Variants in ENTREP1 observed in about 807,000 individuals in gnomAD.
ENTREP1 encodes the protein endosomal transmembrane epsin interactor 1, also known as Friedreich ataxia region gene X123.
chr9:69,373,394 G>A, the ENTREP1 span, among the ~76,000 whole-genome samples: 1 of 152,070 alleles, frequency 6.6e-6, no homozygotes, highest in African/African-American at 2.4e-5. Flanking sequence ...CTTAGTAACA[G>A]GCTGGGGAAT....
the ENTREP1 span, among the ~76,000 whole-genome samples, chr9:69,360,756 C>T: frequency 6.6e-6 from 1 of 152,152 alleles, no homozygotes; most frequent in African/African-American, 2.4e-5. Flanking sequence ...CTTAACCTCT[C>T]TTGAGATGGA....
At chr9:69,387,182 A>C in the ENTREP1 span, 1 of 151,542 alleles carries the variant, frequency 6.6e-6, no homozygotes, top group Non-Finnish European at 1.5e-5. Context: ...CTTCTGGAAG[A>C]CTCTTGCTGT....
chr9:69,327,089 C>T, the ENTREP1 span, among the ~76,000 whole-genome samples: 1 of 151,780 alleles, frequency 6.6e-6, no homozygotes, highest in Admixed American at 6.6e-5. Context: ...ACGTTAGGTT[C>T]CTTGAGACTC....
chr9:69,364,073 TAATGA>T, the ENTREP1 span, among the ~76,000 whole-genome samples: 1 of 152,218 alleles, frequency 6.6e-6, no homozygotes, highest in Admixed American at 6.5e-5. Flanking sequence ...GTACCAAACC[TAATGA>T]AATGTGTTTT....
chr9:69,334,062 C>G, the ENTREP1 span, among the ~76,000 whole-genome samples: 2 of 152,192 alleles, frequency 1.3e-5, no homozygotes, highest in African/African-American at 4.8e-5. Flanking sequence ...GAGGACCAGA[C>G]AAGTGAAATG....
the ENTREP1 span, among the ~76,000 whole-genome samples, chr9:69,335,889 C>T: frequency 2.8e-5 from 1 of 35,512 alleles, no homozygotes; most frequent in Middle Eastern, 0.013. Context: ...GAGGCAGAGG[C>T]GGGAGGATCA....
the ENTREP1 span, among the ~76,000 whole-genome samples, chr9:69,356,040 C>T: frequency 1.3e-5 from 2 of 152,154 alleles, no homozygotes; most frequent in East Asian, 1.9e-4. Flanking sequence ...TGGCATTAAG[C>T]GTGTTCACAG....
At chr9:69,340,722 C>T in the ENTREP1 span, among the ~76,000 whole-genome samples, 5 of 22,940 alleles carry the variant, frequency 2.2e-4, no homozygotes, top group African/African-American at 5.4e-4. Context: ...TGTGTGCATG[C>T]ATGTGTGTGT....
the ENTREP1 span, chr9:69,377,766 G>A: frequency 2.5e-6 from 4 of 1,599,416 alleles, no homozygotes; most frequent in South Asian, 3.4e-5. Context: ...GAGTTCCCCT[G>A]CAGTCTGAGT....
At chr9:69,371,590 G>A in the ENTREP1 span, 1 of 1,613,008 alleles carries the variant, frequency 6.2e-7, no homozygotes, top group Non-Finnish European at 8.5e-7. Flanking sequence ...TTTGTGTCCA[G>A]CGTGCCCAGG....
the ENTREP1 span, among the ~76,000 whole-genome samples, chr9:69,342,248 A>ATG: frequency 1.3e-5 from 2 of 152,100 alleles, no homozygotes; most frequent in Non-Finnish European, 2.9e-5. Flanking sequence ...TATTCCTTTT[A>ATG]TGTAGATAAG....
the ENTREP1 span, among the ~76,000 whole-genome samples, chr9:69,346,182 C>T: frequency 6.6e-6 from 1 of 151,948 alleles, no homozygotes; most frequent in Admixed American, 6.6e-5. Context: ...GGGGTTTCAC[C>T]ATGTTGGCCA....
chr9:69,361,885 C>T, the ENTREP1 span, among the ~76,000 whole-genome samples: 2 of 152,062 alleles, frequency 1.3e-5, no homozygotes, highest in Non-Finnish European at 2.9e-5. Context: ...TCATTCTTGT[C>T]CACCAACTTT....
At chr9:69,373,336 GCTCTT>G in the ENTREP1 span, among the ~76,000 whole-genome samples, 2 of 152,088 alleles carry the variant, frequency 1.3e-5, no homozygotes, top group Non-Finnish European at 2.9e-5. Context: ...GCAAGGGGTT[GCTCTT>G]CTCTTCTCTT....
chr9:69,343,183 GC>G, the ENTREP1 span, among the ~76,000 whole-genome samples: 7 of 152,226 alleles, frequency 4.6e-5, no homozygotes, highest in Admixed American at 6.5e-5. Flanking sequence ...AATTGTTCAT[GC>G]CCTTTGTTCT....
At chr9:69,344,387 TGAAATG>T in the ENTREP1 span, among the ~76,000 whole-genome samples, 6 of 151,982 alleles carry the variant, frequency 3.9e-5, no homozygotes, top group Admixed American at 2.0e-4. Flanking sequence ...CTCTGTGGAG[TGAAATG>T]GGAATGGGAA....
chr9:69,362,736 A>G, the ENTREP1 span, among the ~76,000 whole-genome samples: 5 of 152,302 alleles, frequency 3.3e-5, no homozygotes, highest in Non-Finnish European at 4.4e-5. Context: ...CCCACCTTTA[A>G]TCTGGGTGGG....
chr9:69,346,085 C>T, the ENTREP1 span, among the ~76,000 whole-genome samples: 8 of 151,688 alleles, frequency 5.3e-5, no homozygotes, highest in South Asian at 2.1e-4. Context: ...CGGGTTCAAG[C>T]GATTCTCCTG....
chr9:69,342,966 T>A, the ENTREP1 span, among the ~76,000 whole-genome samples: 1 of 152,260 alleles, frequency 6.6e-6, no homozygotes, highest in Admixed American at 6.5e-5. Context: ...GGGTGATTCA[T>A]CTACGGTTGG....
Sources: gnomAD v4.1 joint callset for allele counts (sites outside exome capture counted in the v4.1 genomes callset) on GRCh38, gnomAD v4.1.1 for gene constraint, MANE v1.5 for transcripts, NCBI Gene and HGNC (gene_info 2026-07-23, HGNC 2026-07-21) for gene names.